PDZD2: variants seen among roughly 807,000 people sequenced by gnomAD.
PDZD2 encodes PDZ domain-containing protein 2.
A neutral mutation model predicts 220.7 loss-of-function variants in PDZD2; 90 were observed. The ratio of observed to expected loss-of-function variants is 0.41; its 90% confidence interval spans 0.34 to 0.49. The LOEUF (loss-of-function observed/expected upper bound fraction) is 0.49. Among genes scored for constraint, PDZD2 ranks in the 20% least tolerant of loss-of-function variants. The probability of loss-of-function intolerance (pLI) is 0.28; values close to 1 mark genes in which losing one functional copy is unlikely to be tolerated. For synonymous variants in PDZD2, 1,375 were observed against 1,450.5 expected (o/e 0.95, Z 1.18); for missense variants, 3,174 against 3,608.5 (o/e 0.88, Z 3.08).
chr5:31,651,631 T>C (rs558620071), intron 1 of PDZD2, among the ~76,000 whole-genome samples: 1 of 150,818 alleles, frequency 6.6e-6, no homozygotes, highest in Admixed American at 6.6e-5. Context: ...GCTTTATTTA[T>C]TTATTTATTT....
intron 1 of PDZD2, among the ~76,000 whole-genome samples, chr5:31,757,549 G>C (rs1036010946): frequency 1.3e-5 from 2 of 151,480 alleles, no homozygotes; most frequent in African/African-American, 2.4e-5. Context: ...CCGAGATTGC[G>C]CCAGTGCACT....
rs1318610352 is a variant in PDZD2 at position 31,976,803 on chromosome 5, C to T, written c.477-6352C>T. ...TGCCATCTTGGCTCACTGCAACCTC[C>T]GATTCCCAGGTTCAAGCGATTCTCC... On this transcript the variant is annotated intron_variant, in intron 2 of 24. Coordinates refer to ENST00000438447, the MANE Select transcript of PDZD2 (RefSeq NM_178140.4). 4.9e-5 allele frequency among the ~76,000 whole-genome samples: 7 copies of T among 143,308 alleles called. No homozygotes were observed. In the South Asian group the frequency reaches 9.1e-4, roughly 19 times the overall value. 94.0% of individuals were successfully genotyped at this position (143,308 alleles called of 152,430 possible). A position where few individuals can be genotyped will look rare whatever the true frequency, so the allele number is the denominator to read the frequency against.
intron 3 of PDZD2, among the ~76,000 whole-genome samples, chr5:31,995,134 G>A (rs1751526349): frequency 6.6e-6 from 1 of 152,192 alleles, no homozygotes; most frequent in Admixed American, 6.5e-5. Flanking sequence ...GACGTGCACA[G>A]TGGCATCCGG....
At chr5:32,058,674 C>CAAAA (rs35570128) in intron 12 of PDZD2, among the ~76,000 whole-genome samples, 12 of 92,228 alleles carry the variant, frequency 1.3e-4, no homozygotes, top group African/African-American at 3.7e-4. Flanking sequence ...AACTCCGTCT[C>CAAAA]AAAAAAAAAA....
chr5:31,840,437 TATA>T (rs1757223625), intron 2 of PDZD2: 1 of 90,002 alleles, frequency 1.1e-5, no homozygotes, highest in Non-Finnish European at 2.1e-5. Flanking sequence ...TATATATATA[TATA>T]TATATATATT....
rs886917601 is a variant in PDZD2, at chr5:31,857,120, G to A, written c.476+57396G>A. ...CCTGCCTCAGCCTCCCAAAGTGCTG[G>A]GATCATAGGCGTGAGTCACCACACT... On this transcript the variant is annotated intron_variant, in intron 2 of 24. Coordinates refer to ENST00000438447, the MANE Select transcript of PDZD2 (RefSeq NM_178140.4). Among the ~76,000 whole-genome samples the A allele has an allele frequency of 5.3e-5, 8 of 151,974 alleles. No homozygotes were observed. In the East Asian group the frequency reaches 1.5e-3, roughly 29 times the overall value.
chr5:32,071,635 A>G (rs1740756937), intron 16 of PDZD2, among the ~76,000 whole-genome samples: 1 of 151,414 alleles, frequency 6.6e-6, no homozygotes, highest in Non-Finnish European at 1.5e-5. Context: ...CAGAGCAACA[A>G]AATAAAAGAA....
At chr5:32,029,061 C>T (rs1050667793) in intron 6 of PDZD2, among the ~76,000 whole-genome samples, 2 of 152,038 alleles carry the variant, frequency 1.3e-5, no homozygotes, top group Non-Finnish European at 1.5e-5. Flanking sequence ...GCATCTGCAG[C>T]CTGGGCTGTT....
intron 2 of PDZD2, among the ~76,000 whole-genome samples, chr5:31,885,125 A>C (rs1359452642): frequency 1.3e-5 from 2 of 151,614 alleles, no homozygotes; most frequent in African/African-American, 4.8e-5. Context: ...GAGTGTATGA[A>C]ATGGCAACTC....
intron 7 of PDZD2, among the ~76,000 whole-genome samples, chr5:32,042,805 C>T (rs1329544294): frequency 1.3e-5 from 2 of 151,998 alleles, no homozygotes; most frequent in East Asian, 1.9e-4. Context: ...GTGTTTGGGG[C>T]GAGGGAGTCA....
intron 2 of PDZD2, among the ~76,000 whole-genome samples, chr5:31,827,968 G>A (rs538106100): frequency 2.0e-5 from 3 of 152,274 alleles, no homozygotes; most frequent in African/African-American, 7.2e-5. Flanking sequence ...TTCAGTACAT[G>A]GTCTTCTGTA....
chr5:31,850,214 GTATATATATAAGTATATATA>G (rs1324732651), intron 2 of PDZD2, among the ~76,000 whole-genome samples: 1 of 84,224 alleles, frequency 1.2e-5, no homozygotes, highest in Non-Finnish European at 2.3e-5. Context: ...GTATATATGT[GTATATATATAAGTATATATA>G]TATATATATA....
intron 8 of PDZD2, 144 bp downstream of exon 8, chr5:32,048,828 A>G (rs1034517880): frequency 9.2e-6 from 7 of 763,524 alleles, no homozygotes; most frequent in Admixed American, 8.3e-5. Flanking sequence ...CTACCCAGAG[A>G]GGCTACAAAG....
chr5:31,849,977 TAC>T lies in PDZD2; in HGVS notation c.476+50255_476+50256del, dbSNP rs1561507459. ...ATATATATATACACATATATATATA[TAC>T]ATATATATATATACACATATATATA... is the stretch of plus-strand genomic sequence containing the variant. On this transcript the variant is annotated intron_variant, in intron 2 of 24. Coordinates refer to ENST00000438447, the MANE Select transcript of PDZD2 (RefSeq NM_178140.4). Among the ~76,000 whole-genome samples, 218 of 36,008 alleles carry T rather than the reference TAC, an allele frequency of 6.1e-3. 80 individuals carry two copies. The highest frequency in any genetic ancestry group is 0.046 in the African/African-American group (211 of 4,602). The allele number at this position is 36,008 out of a possible 152,430, so 23.6% of individuals were successfully genotyped here.
intron 2 of PDZD2, among the ~76,000 whole-genome samples, chr5:31,969,395 G>C (rs906748919): frequency 6.6e-6 from 1 of 151,194 alleles, no homozygotes; most frequent in Non-Finnish European, 1.5e-5. Context: ...TGTAGTCCCA[G>C]CTACTCAGGA....
At chr5:32,048,300 C>T (rs555737265) in intron 7 of PDZD2, among the ~76,000 whole-genome samples, 110 of 152,306 alleles carry the variant, frequency 7.2e-4, no homozygotes, top group African/African-American at 2.6e-3. Context: ...CTCATCTAAT[C>T]TGGTCATTTC....
rs556982842 is a variant in PDZD2 at position 31,836,697 on chromosome 5, G to T, written c.476+36973G>T. Among the ~76,000 whole-genome samples the T allele has an allele frequency of 3.7e-4, 56 of 152,154 alleles. 1 individual carries two copies. Among genetic ancestry groups the T allele is most frequent in the Middle Eastern group, 6.8e-3 (2 of 294 alleles). Reference sequence around the variant, plus strand: ...CCTCTAGAAATTTTGTTTAGAAAAGGGTACGTCATCTGTCCAGGATTAGTA... The same window carrying T: ...CCTCTAGAAATTTTGTTTAGAAAAGTGTACGTCATCTGTCCAGGATTAGTA... On this transcript the variant is annotated intron_variant, in intron 2 of 24. Coordinates refer to ENST00000438447, the MANE Select transcript of PDZD2 (RefSeq NM_178140.4).
intron 1 of PDZD2, among the ~76,000 whole-genome samples, chr5:31,737,352 T>C (rs1309502229): frequency 2.0e-5 from 3 of 148,206 alleles, no homozygotes; most frequent in African/African-American, 4.9e-5. Flanking sequence ...TGTTGTATTT[T>C]TAGTAGAGAT....
At position 31,978,176 on chromosome 5, in the gene PDZD2, GACTA is replaced by G. The variant is rs1423425241; in HGVS notation, c.477-4976_477-4973del. Among the ~76,000 whole-genome samples, 19 of 152,288 alleles carry G rather than the reference GACTA, an allele frequency of 1.2e-4. No homozygotes were observed. In the East Asian group the frequency reaches 3.7e-3, roughly 29 times the overall value. On this transcript the variant is annotated intron_variant, in intron 2 of 24. Transcript: ENST00000438447. ...ATATGTGATGGAGAAGCATCTGAAA[GACTA>G]ACCATACCTGTTTATGGAGAGGAAG...
Sources: allele counts gnomAD v4.1 joint callset (sites outside exome capture counted in the v4.1 genomes callset), GRCh38; gene constraint gnomAD v4.1.1; transcripts MANE v1.5; gene names NCBI Gene and HGNC (gene_info 2026-07-23, HGNC 2026-07-21).